The following FAM13C variants were observed in gnomAD, a reference collection of about 807,000 sequenced individuals.
FAM13C encodes the protein family with sequence similarity 13 member C, also known as protein FAM13C.
In FAM13C, 37 loss-of-function variants were observed where a neutral mutation model predicts 73.2. The observed-to-expected ratio is 0.51, with a 90% confidence interval of 0.39 to 0.67. The LOEUF is 0.67. Among genes scored for constraint, FAM13C ranks in the 30% least tolerant of loss-of-function variants. FAM13C has a pLI of 0.00. For synonymous variants in FAM13C, 246 were observed against 260.9 expected (o/e 0.94, Z 0.55); for missense variants, 589 against 715.6 (o/e 0.82, Z 2.02).
intron 8 of FAM13C, among the ~76,000 whole-genome samples, chr10:59,266,706 T>C (rs372737029): frequency 1.8e-4 from 28 of 152,228 alleles, no homozygotes; most frequent in African/African-American, 6.8e-4. Flanking sequence ...CATGTGCATG[T>C]GAGCTCTAGC....
rs1178470384 is a variant in FAM13C at position 59,356,012 on chromosome 10, G to C, written c.63-69C>G. The C allele has an allele frequency of 6.3e-6, 9 of 1,435,312 alleles. No individual in the cohort carries two copies. In the South Asian group the frequency reaches 8.0e-5, roughly 13 times the overall value. 88.9% of individuals were successfully genotyped at this position (1,435,312 alleles called of 1,614,324 possible). ...CTATAGCAGTAGTAGCAATAATCTA[G>C]AATTGTCTCAAGATTACCATGGAAA... On this transcript the variant is annotated intron_variant, in intron 1 of 13. Transcript: ENST00000618804.
chr10:59,266,407 A>G (rs7901544), intron 8 of FAM13C, among the ~76,000 whole-genome samples: 14,484 of 152,196 alleles, frequency 0.095, 872 homozygotes, highest in South Asian at 0.2. Flanking sequence ...GCCCAGATTC[A>G]AAAATTAGCA....
At chr10:59,270,223 T>A in intron 6 of FAM13C, 114 bp from the exon 7 acceptor site, 1 of 1,025,564 alleles carries the variant, frequency 9.8e-7, no homozygotes, top group South Asian at 1.7e-5. Flanking sequence ...CTTTGTCATT[T>A]CTTCCTTCTG....
chr10:59,352,576 G>A (rs1192842375), intron 2 of FAM13C, 102 bp from the exon 3 acceptor site: 6 of 1,296,608 alleles, frequency 4.6e-6, no homozygotes, highest in African/African-American at 3.0e-5. Context: ...ATATTTATAG[G>A]ATAGACACCT....
At chr10:59,358,660 T>C (rs56080050) in intron 1 of FAM13C, among the ~76,000 whole-genome samples, 15,056 of 152,242 alleles carry the variant, frequency 0.099, 1,103 homozygotes, top group African/African-American at 0.21. Flanking sequence ...AGCTCAACAA[T>C]ACCTATTGTT....
intron 5 of FAM13C, chr10:59,283,687 G>A: frequency 1.7e-6 from 1 of 600,728 alleles, no homozygotes; most frequent in South Asian, 2.0e-5. Context: ...TCCACATGCA[G>A]GCTGAGTTTC....
chr10:59,269,417 T>TACACACACACACACAC lies in FAM13C; in HGVS notation c.803+466_803+481dup, dbSNP rs10532470. 2.3e-3 allele frequency among the ~76,000 whole-genome samples: 330 copies of TACACACACACACACAC among 146,652 alleles called. 2 individuals are homozygous for TACACACACACACACAC. Among genetic ancestry groups the TACACACACACACACAC allele is most frequent in the Admixed American group, 4.4e-3 (65 of 14,652 alleles). ...AATGTGTAGGGGGCAGGCATCCGAT[T>TACACACACACACACAC]ACACACACACACACACACACACACA... is the stretch of plus-strand genomic sequence containing the variant. On this transcript the variant is annotated intron_variant, in intron 7 of 13. Coordinates refer to ENST00000618804, the MANE Select transcript of FAM13C (RefSeq NM_198215.4).
intron 6 of FAM13C, among the ~76,000 whole-genome samples, chr10:59,281,809 C>A (rs139216994): frequency 1.6e-4 from 25 of 152,278 alleles, no homozygotes; most frequent in Admixed American, 3.9e-4. Context: ...TATCCACATC[C>A]AACATGCAAC....
intron 5 of FAM13C, among the ~76,000 whole-genome samples, chr10:59,288,910 C>T (rs954360816): frequency 6.6e-6 from 1 of 152,170 alleles, no homozygotes; most frequent in Non-Finnish European, 1.5e-5. Flanking sequence ...GACTTGGACA[C>T]ACTGTGTGGG....
intron 2 of FAM13C, among the ~76,000 whole-genome samples, chr10:59,354,830 T>C (rs1183466872): frequency 6.6e-6 from 1 of 151,996 alleles, no homozygotes; most frequent in Non-Finnish European, 1.5e-5. Context: ...TCACATCTTA[T>C]CTTACCTCTT....
intron 5 of FAM13C, chr10:59,296,773 A>G (rs919188767): frequency 2.6e-5 from 4 of 152,192 alleles, no homozygotes; most frequent in African/African-American, 9.6e-5. Context: ...CATTGTGAGC[A>G]TCTTCTCTTC....
Position 59,247,450 on chromosome 10 carries a change from C to A in FAM13C, c.*164G>T. On this transcript the variant is annotated 3_prime_UTR_variant, in exon 14 of 14. Transcript: ENST00000618804. Reference sequence around the variant, plus strand: ...ATTCTTCCCCCCGTTTAAATCCCTTCTCCTTGTATATAATTAAACTTGCTA... The same window carrying A: ...ATTCTTCCCCCCGTTTAAATCCCTTATCCTTGTATATAATTAAACTTGCTA... The A allele has an allele frequency of 1.2e-6, 1 of 811,322 alleles. No homozygotes were observed. The allele number at this position is 811,322 out of a possible 1,614,324, so 50.3% of individuals were successfully genotyped here.
chr10:59,354,173 C>T (rs2134276256), intron 2 of FAM13C, among the ~76,000 whole-genome samples: 1 of 152,188 alleles, frequency 6.6e-6, no homozygotes, highest in South Asian at 2.1e-4. Context: ...AGACTCATTC[C>T]CAAAATAATA....
At chr10:59,300,388 T>C (rs1304017254) in intron 5 of FAM13C, among the ~76,000 whole-genome samples, 2 of 152,116 alleles carry the variant, frequency 1.3e-5, no homozygotes, top group Non-Finnish European at 2.9e-5. Flanking sequence ...CGCAAGTTGG[T>C]ATGGAAGAGA....
At chr10:59,266,697 A>C (rs1843107345) in intron 8 of FAM13C, among the ~76,000 whole-genome samples, 2 of 152,170 alleles carry the variant, frequency 1.3e-5, no homozygotes, top group Admixed American at 6.5e-5. Context: ...ATGTGTGTGC[A>C]TGTGCATGTG....
chr10:59,307,376 G>A (rs1188263343), intron 4 of FAM13C, among the ~76,000 whole-genome samples: 3 of 152,184 alleles, frequency 2.0e-5, no homozygotes, highest in Non-Finnish European at 4.4e-5. Context: ...ATGGATAAAT[G>A]AGAGAAAGCA....
chr10:59,349,039 C>T (rs541218502), intron 3 of FAM13C, among the ~76,000 whole-genome samples: 6 of 152,250 alleles, frequency 3.9e-5, no homozygotes, highest in South Asian at 2.1e-4. Context: ...CTTTAAAAAT[C>T]GGCTTACTCA....
At chr10:59,324,593 T>C (rs1200849119) in intron 3 of FAM13C, among the ~76,000 whole-genome samples, 3 of 152,160 alleles carry the variant, frequency 2.0e-5, no homozygotes, top group Non-Finnish European at 4.4e-5. Flanking sequence ...TGAGACATCA[T>C]GTTTATTTAT....
intron 1 of FAM13C, chr10:59,360,976 G>A (rs1231161724): frequency 7.9e-7 from 1 of 1,271,344 alleles, no homozygotes; most frequent in Non-Finnish European, 1.0e-6. Flanking sequence ...GAGAATCGGG[G>A]CCAGAAAGCA....
Sources: allele counts gnomAD v4.1 joint callset (sites outside exome capture counted in the v4.1 genomes callset), GRCh38; gene constraint gnomAD v4.1.1; transcripts MANE v1.5; gene names NCBI Gene and HGNC (gene_info 2026-07-23, HGNC 2026-07-21).